The following GABRB1 variants were observed in gnomAD, a reference collection of about 807,000 sequenced individuals.
GABRB1 encodes gamma-aminobutyric acid receptor subunit beta-1.
In GABRB1, 17 loss-of-function variants were observed where a neutral mutation model predicts 51.6. That is an observed-to-expected ratio of 0.33 (90% CI 0.23 to 0.49). The LOEUF is 0.49. Among genes scored for constraint, GABRB1 ranks in the 20% least tolerant of loss-of-function variants. The pLI, the probability that GABRB1 is intolerant of heterozygous loss-of-function variation, is 0.99. For missense variants in GABRB1, 410 were observed against 600.6 expected, an observed-to-expected ratio of 0.68 and a Z score of 3.32; for synonymous variants, 247 against 218.9, an observed-to-expected ratio of 1.13 and a Z score of -1.14.
At chr4:47,079,597 C>A (rs1727733677) in intron 3 of GABRB1, among the ~76,000 whole-genome samples, 1 of 151,938 alleles carries the variant, frequency 6.6e-6, no homozygotes, top group South Asian at 2.1e-4. Context: ...TGGAATCAAG[C>A]CAAATGTCCA....
At chr4:47,152,125 G>A (rs1234461394) in intron 3 of GABRB1, among the ~76,000 whole-genome samples, 3 of 151,910 alleles carry the variant, frequency 2.0e-5, no homozygotes, top group Admixed American at 2.0e-4. Context: ...TTTTTGAGTT[G>A]TTAGAGAATG....
chr4:47,307,941 A>G (rs1014375617), intron 4 of GABRB1, among the ~76,000 whole-genome samples: 1 of 152,078 alleles, frequency 6.6e-6, no homozygotes, highest in African/African-American at 2.4e-5. Flanking sequence ...GAACCAGTGA[A>G]GAAAATTAAT....
chr4:47,398,502 T>A (rs1560368375), intron 5 of GABRB1, among the ~76,000 whole-genome samples: 1 of 152,188 alleles, frequency 6.6e-6, no homozygotes, highest in South Asian at 2.1e-4. Flanking sequence ...TGATGCTGGT[T>A]TGGGACCAGG....
intron 4 of GABRB1, among the ~76,000 whole-genome samples, chr4:47,284,818 A>G (rs1723446570): frequency 6.6e-6 from 1 of 152,234 alleles, no homozygotes; most frequent in African/African-American, 2.4e-5. Flanking sequence ...CTCAAACCAG[A>G]CAGCTCTCAG....
intron 4 of GABRB1, among the ~76,000 whole-genome samples, chr4:47,299,834 C>T (rs1306492305): frequency 2.0e-5 from 3 of 151,884 alleles, no homozygotes; most frequent in African/African-American, 7.3e-5. Flanking sequence ...AGACTTGGAA[C>T]CAACCCAAAT....
chr4:47,256,762 A>G (rs1160862645), intron 4 of GABRB1, among the ~76,000 whole-genome samples: 1 of 152,180 alleles, frequency 6.6e-6, no homozygotes, highest in Non-Finnish European at 1.5e-5. Flanking sequence ...TCAGAAGAAC[A>G]GCAAGAGGGA....
At chr4:47,071,825 C>T (rs1295984248) in intron 3 of GABRB1, among the ~76,000 whole-genome samples, 1 of 151,866 alleles carries the variant, frequency 6.6e-6, no homozygotes. Context: ...ATTCTTAACT[C>T]TCAAGCCAGC....
At chr4:47,031,533 T>C, upstream of GABRB1, 1 of 779,642 alleles carries the variant, frequency 1.3e-6, no homozygotes, top group Non-Finnish European at 2.2e-6. Flanking sequence ...AGGTGTCTTT[T>C]GGTAGTGAGC....
chr4:47,056,179 G>A (rs547872368), intron 3 of GABRB1, among the ~76,000 whole-genome samples: 9 of 152,190 alleles, frequency 5.9e-5, no homozygotes, highest in African/African-American at 2.2e-4. Flanking sequence ...ACCTTAAGCC[G>A]AATAGGAATG....
intron 4 of GABRB1, among the ~76,000 whole-genome samples, chr4:47,287,996 G>C (rs1175431903): frequency 6.6e-6 from 1 of 152,190 alleles, no homozygotes; most frequent in Non-Finnish European, 1.5e-5. Flanking sequence ...TTGCAACCTT[G>C]TGAAAGGGCT....
chr4:47,276,595 A>T (rs1723085347), intron 4 of GABRB1, among the ~76,000 whole-genome samples: 1 of 152,128 alleles, frequency 6.6e-6, no homozygotes, highest in African/African-American at 2.4e-5. Context: ...AATGATATAG[A>T]TCTTGCCCTC....
intron 4 of GABRB1, among the ~76,000 whole-genome samples, chr4:47,174,268 A>G (rs1013238816): frequency 1.3e-5 from 2 of 151,962 alleles, no homozygotes; most frequent in Non-Finnish European, 2.9e-5. Context: ...TGTTCTTCCT[A>G]TATTGCCCAA....
chr4:47,102,989 A>C (rs918042078), intron 3 of GABRB1, among the ~76,000 whole-genome samples: 1 of 151,938 alleles, frequency 6.6e-6, no homozygotes, highest in African/African-American at 2.4e-5. Flanking sequence ...GATAAGGATA[A>C]TTTCTAGTTT....
At chr4:47,046,353 A>G (rs149434384) in intron 3 of GABRB1, among the ~76,000 whole-genome samples, 1 of 152,324 alleles carries the variant, frequency 6.6e-6, no homozygotes, top group Admixed American at 6.5e-5. Flanking sequence ...AATCAAACAA[A>G]CAAAAATATT....
At chr4:47,041,294 C>T (rs779311180) in intron 3 of GABRB1, among the ~76,000 whole-genome samples, 8 of 152,036 alleles carry the variant, frequency 5.3e-5, no homozygotes, top group Non-Finnish European at 1.0e-4. Flanking sequence ...TTCAAGAGAG[C>T]CCTGTCCTCT....
rs537554321 is a variant in GABRB1 at position 47,133,636 on chromosome 4, A to C, written c.241-27613A>C. On this transcript the variant is annotated intron_variant, in intron 3 of 8. Coordinates refer to ENST00000295454, the MANE Select transcript of GABRB1 (RefSeq NM_000812.4). ...AACATTTTTAAGAGACAGGCAAGCT[A>C]TTTTATAGACCATCTTCCCATCTGA... Among the ~76,000 whole-genome samples the C allele has an allele frequency of 7.9e-5, 12 of 152,266 alleles. No individual in the cohort carries two copies. In the East Asian group the frequency reaches 1.9e-3, roughly 24 times the overall value.
intron 5 of GABRB1, among the ~76,000 whole-genome samples, chr4:47,390,048 T>C (rs1327451727): frequency 6.6e-6 from 1 of 152,244 alleles, no homozygotes; most frequent in Admixed American, 6.5e-5. Context: ...ACATTCATGT[T>C]TGCAAACAGC....
chr4:47,019,124 T>C (rs2109449322), intron 1 of GABRB1, among the ~76,000 whole-genome samples: 1 of 152,290 alleles, frequency 6.6e-6, no homozygotes, highest in South Asian at 2.1e-4. Context: ...GCAACCGCAT[T>C]GAAAAATATG....
At chr4:47,294,460 G>T (rs181179520) in intron 4 of GABRB1, among the ~76,000 whole-genome samples, 1 of 152,234 alleles carries the variant, frequency 6.6e-6, no homozygotes, top group Non-Finnish European at 1.5e-5. Context: ...ATTATAACCC[G>T]CACGTGGCTC....
Sources: gnomAD v4.1 joint callset for allele counts (sites outside exome capture counted in the v4.1 genomes callset) on GRCh38, gnomAD v4.1.1 for gene constraint, MANE v1.5 for transcripts, NCBI Gene and HGNC (gene_info 2026-07-23, HGNC 2026-07-21) for gene names.